Variants in GABBR2 observed in about 807,000 individuals in gnomAD.
GABBR2 encodes the protein G-protein coupled receptor 51.
A neutral mutation model predicts 105.6 loss-of-function variants in GABBR2; 23 were observed. The observed-to-expected ratio is 0.22, with a 90% CI of 0.16 to 0.31. GABBR2 has a LOEUF of 0.31. Among genes scored for constraint, GABBR2 ranks in the 10% least tolerant of loss-of-function variants. GABBR2 has a pLI of 1.00. For missense variants in GABBR2, 734 were observed against 1,245.5 expected, an observed-to-expected ratio of 0.59 and a Z score of 6.18; for synonymous variants, 478 against 499.7, an observed-to-expected ratio of 0.96 and a Z score of 0.58.
intron 1 of GABBR2, among the ~76,000 whole-genome samples, chr9:98,648,754 G>A (rs953029099): frequency 1.3e-5 from 2 of 152,108 alleles, no homozygotes; most frequent in Admixed American, 6.5e-5. Context: ...TGAACCTTTC[G>A]AGAATGGGGC....
chr9:98,551,666 T>C (rs1419171362), intron 2 of GABBR2, among the ~76,000 whole-genome samples: 1 of 152,134 alleles, frequency 6.6e-6, no homozygotes, highest in East Asian at 1.9e-4. Context: ...TGCCGTGATA[T>C]GTTTCATGAG....
At chr9:98,688,423 C>A (rs1016489868) in intron 1 of GABBR2, among the ~76,000 whole-genome samples, 11 of 135,600 alleles carry the variant, frequency 8.1e-5, no homozygotes, top group Admixed American at 2.1e-4. Flanking sequence ...AATCTCCAGG[C>A]AAAGAACAGA....
chr9:98,294,818 C>T (rs975503016), intron 17 of GABBR2, among the ~76,000 whole-genome samples: 11 of 152,162 alleles, frequency 7.2e-5, no homozygotes, highest in Non-Finnish European at 1.3e-4. Flanking sequence ...TGTTGGAACT[C>T]ATCTGAATTT....
intron 2 of GABBR2, among the ~76,000 whole-genome samples, chr9:98,554,030 G>GAGGTGACTTACTCAAAATC (rs1313591875): frequency 6.6e-6 from 1 of 152,166 alleles, no homozygotes; most frequent in Non-Finnish European, 1.5e-5. Flanking sequence ...GATGTTCAGA[G>GAGGTGACTTACTCAAAATC]AGGTGACTTA....
chr9:98,404,912 A>C (rs1832462363), intron 8 of GABBR2, among the ~76,000 whole-genome samples: 1 of 152,208 alleles, frequency 6.6e-6, no homozygotes, highest in Non-Finnish European at 1.5e-5. Context: ...GGATTTTCCA[A>C]CAAATCATCT....
chr9:98,594,048 G>A (rs1178918375), intron 1 of GABBR2, among the ~76,000 whole-genome samples: 4 of 152,190 alleles, frequency 2.6e-5, no homozygotes, highest in Admixed American at 1.3e-4. Context: ...GTTTTCAGAG[G>A]CCCATCCCAG....
intron 4 of GABBR2, among the ~76,000 whole-genome samples, chr9:98,492,701 A>G (rs1405263116): frequency 1.3e-5 from 2 of 152,110 alleles, no homozygotes; most frequent in Non-Finnish European, 2.9e-5. Context: ...TTGGTCAGGT[A>G]TTTTGTAGGA....
intron 13 of GABBR2, among the ~76,000 whole-genome samples, chr9:98,342,831 C>T (rs754715760): frequency 1.3e-5 from 2 of 152,228 alleles, no homozygotes; most frequent in Non-Finnish European, 2.9e-5. Flanking sequence ...CTTCCCCCAC[C>T]CAGGCCATTA....
chr9:98,377,147 C>G (rs1564038798), intron 11 of GABBR2, among the ~76,000 whole-genome samples: 2 of 151,728 alleles, frequency 1.3e-5, no homozygotes, highest in Non-Finnish European at 2.9e-5. Context: ...CCTGTTCCCC[C>G]ACAACCCCAG....
intron 1 of GABBR2, chr9:98,607,443 T>C (rs1452131933): frequency 3.4e-6 from 2 of 593,242 alleles, no homozygotes; most frequent in African/African-American, 1.9e-5. Context: ...ATGCTAACAG[T>C]TTAAAAAACA....
At position 98,306,640 on chromosome 9, in the gene GABBR2, CAGATA is replaced by C. The variant is rs1459469636; in HGVS notation, c.2005-300_2005-296del. The C allele has an allele frequency of 2.2e-6, 1 of 453,156 alleles. No homozygotes were observed. The highest frequency in any genetic ancestry group is 4.0e-6 in the Non-Finnish European group (1 of 246,998). The allele number at this position is 453,156 out of a possible 1,614,324, so 28.1% of individuals were successfully genotyped here. On this transcript the variant is annotated intron_variant, in intron 14 of 18. Coordinates refer to ENST00000259455, the MANE Select transcript of GABBR2 (RefSeq NM_005458.8). This position sits in a 1 kb window ranked among gnomAD's most constrained non-coding sequence, Gnocchi z 5.4. ...CCAAGGCTACAGTGGAAGGGAACTT[CAGATA>C]AGATCTCAGCTTTCTCCCTCACTCT... is the stretch of plus-strand genomic sequence containing the variant.
intron 13 of GABBR2, among the ~76,000 whole-genome samples, chr9:98,351,404 T>C (rs1407630905): frequency 8.7e-6 from 1 of 115,316 alleles, no homozygotes; most frequent in Non-Finnish European, 2.0e-5. Context: ...TTCGTGTCTC[T>C]TCTCTACCAG....
intron 4 of GABBR2, among the ~76,000 whole-genome samples, chr9:98,484,107 T>C (rs1826989292): frequency 6.6e-6 from 1 of 152,212 alleles, no homozygotes; most frequent in Non-Finnish European, 1.5e-5. Context: ...GGGCTCACCA[T>C]GTCCACTTCT....
At chr9:98,677,657 T>A (rs1318340386) in intron 1 of GABBR2, among the ~76,000 whole-genome samples, 2 of 152,192 alleles carry the variant, frequency 1.3e-5, no homozygotes, top group Non-Finnish European at 2.9e-5. Context: ...CAGAAATCCC[T>A]ATGGGATCAT....
At chr9:98,462,074 A>C (rs974548567) in intron 6 of GABBR2, among the ~76,000 whole-genome samples, 17 of 152,230 alleles carry the variant, frequency 1.1e-4, no homozygotes, top group African/African-American at 4.1e-4. Flanking sequence ...AAACCAAATC[A>C]TCAAGACAGG....
intron 1 of GABBR2, among the ~76,000 whole-genome samples, chr9:98,655,868 G>A (rs1297680490): frequency 6.6e-6 from 1 of 152,114 alleles, no homozygotes; most frequent in African/African-American, 2.4e-5. Context: ...ATAGCATTAG[G>A]AGAAATACCT....
intron 2 of GABBR2, among the ~76,000 whole-genome samples, chr9:98,544,158 T>C (rs1478306190): frequency 6.6e-6 from 1 of 152,138 alleles, no homozygotes; most frequent in Non-Finnish European, 1.5e-5. Context: ...CAGCTCTGGA[T>C]TTGATCCATC....
chr9:98,576,933 T>TGGATGGAA (rs1554718745), intron 2 of GABBR2, among the ~76,000 whole-genome samples: 157 of 145,542 alleles, frequency 1.1e-3, no homozygotes, highest in African/African-American at 3.8e-3. Context: ...GATGGATGGA[T>TGGATGGAA]GGATGGATGG....
chr9:98,558,224 A>T (rs1265109858), intron 2 of GABBR2, among the ~76,000 whole-genome samples: 1 of 152,126 alleles, frequency 6.6e-6, no homozygotes, highest in Non-Finnish European at 1.5e-5. Flanking sequence ...AAAGCAAAAA[A>T]CCTTTTTGTG....
Sources: gnomAD v4.1 joint callset for allele counts (sites outside exome capture counted in the v4.1 genomes callset) on GRCh38, gnomAD v4.1.1 for gene constraint, Gnocchi (gnomAD v3.1) non-coding constraint, MANE v1.5 for transcripts, NCBI Gene and HGNC (gene_info 2026-07-23, HGNC 2026-07-21) for gene names.